The following INPP4B variants were observed in gnomAD, a reference collection of about 807,000 sequenced individuals.
INPP4B encodes the protein inositol polyphosphate 4-phosphatase type II.
Under a neutral mutation model 122.5 loss-of-function variants are expected in INPP4B, and 55 were observed. The ratio of observed to expected loss-of-function variants is 0.45; its 90% CI spans 0.36 to 0.56. INPP4B has a LOEUF of 0.56. INPP4B is among the 20% of genes least tolerant of loss of function. INPP4B has a pLI of 0.00. For synonymous variants in INPP4B, 403 were observed against 388.7 expected (o/e 1.04, Z -0.43); for missense variants, 1,000 against 1,097.7 (o/e 0.91, Z 1.26).
At chr4:142,752,888 TAGAG>T (rs1306497212) in intron 1 of INPP4B, among the ~76,000 whole-genome samples, 1 of 152,124 alleles carries the variant, frequency 6.6e-6, no homozygotes, top group East Asian at 1.9e-4. Flanking sequence ...CATGTATTAA[TAGAG>T]AGTTACTAGA....
chr4:142,447,177 T>C (rs1721809968), intron 3 of INPP4B, among the ~76,000 whole-genome samples: 1 of 152,150 alleles, frequency 6.6e-6, no homozygotes, highest in African/African-American at 2.4e-5. Flanking sequence ...CAAGCATGTG[T>C]CAAGGAAGTT....
chr4:142,733,872 AAATT>A (rs1199475782), intron 1 of INPP4B, among the ~76,000 whole-genome samples: 1 of 152,240 alleles, frequency 6.6e-6, no homozygotes, highest in Non-Finnish European at 1.5e-5. Context: ...GCTGATTAAT[AAATT>A]AAGATATATT....
intron 2 of INPP4B, among the ~76,000 whole-genome samples, chr4:142,664,293 G>C (rs1755667111): frequency 6.6e-6 from 1 of 152,032 alleles, no homozygotes; most frequent in African/African-American, 2.4e-5. Flanking sequence ...CTGGCTCACT[G>C]GCCCCTGGTT....
intron 18 of INPP4B, among the ~76,000 whole-genome samples, chr4:142,132,211 A>C (rs1032590398): frequency 6.6e-6 from 1 of 152,206 alleles, no homozygotes; most frequent in South Asian, 2.1e-4. Context: ...GAAACAACTC[A>C]ACATTTTGTT....
intron 23 of INPP4B, among the ~76,000 whole-genome samples, chr4:142,093,894 G>GAA (rs3841998): frequency 2.6e-5 from 4 of 151,752 alleles, no homozygotes; most frequent in Admixed American, 6.6e-5. Flanking sequence ...ATAGCAAAAG[G>GAA]AAAAAAACAA....
intron 1 of INPP4B, among the ~76,000 whole-genome samples, chr4:142,805,219 T>A (rs373120408): frequency 2.0e-5 from 3 of 152,208 alleles, no homozygotes; most frequent in Admixed American, 6.5e-5. Flanking sequence ...ATAATTTCAC[T>A]GAAAAATATT....
intron 9 of INPP4B, among the ~76,000 whole-genome samples, chr4:142,284,787 C>T (rs572756265): frequency 2.5e-4 from 38 of 152,060 alleles, no homozygotes; most frequent in Non-Finnish European, 3.5e-4. Context: ...CCTGTAAGCA[C>T]GGAAGTCAAG....
At chr4:142,084,570 T>C (rs1049080636) in intron 24 of INPP4B, among the ~76,000 whole-genome samples, 1 of 152,186 alleles carries the variant, frequency 6.6e-6, no homozygotes, top group Non-Finnish European at 1.5e-5. Context: ...ATTTTAAAAG[T>C]ATCATAAATA....
rs1054574342 is a variant in INPP4B, at chr4:142,624,624, T to C, written c.-191+101215A>G. On this transcript the variant is annotated intron_variant, in intron 2 of 25. Coordinates refer to ENST00000262992, the MANE Select transcript of INPP4B (RefSeq NM_001101669.3). ...AAAAAGAGGGAATCCTCCTAACTCA[T>C]TTTATGAGGCCAGCATCATCCTGAT... 5.9e-5 allele frequency among the ~76,000 whole-genome samples: 9 copies of C among 152,234 alleles called. No homozygotes were observed. In the South Asian group the frequency reaches 6.2e-4, roughly 11 times the overall value.
intron 1 of INPP4B, among the ~76,000 whole-genome samples, chr4:142,820,101 T>C (rs922822197): frequency 1.3e-5 from 2 of 152,118 alleles, no homozygotes; most frequent in Admixed American, 6.6e-5. Flanking sequence ...GGTTAGGCTA[T>C]TGTCTCAAAA....
intron 2 of INPP4B, among the ~76,000 whole-genome samples, chr4:142,666,341 T>C (rs1034891258): frequency 6.6e-6 from 1 of 151,990 alleles, no homozygotes; most frequent in Non-Finnish European, 1.5e-5. Flanking sequence ...TTACAAGAAA[T>C]GCATATAAAA....
At chr4:142,476,714 G>A (rs1350088543) in intron 2 of INPP4B, among the ~76,000 whole-genome samples, 1 of 152,002 alleles carries the variant, frequency 6.6e-6, no homozygotes, top group Non-Finnish European at 1.5e-5. Flanking sequence ...ACAAATAAGG[G>A]CATTACAAAA....
intron 12 of INPP4B, among the ~76,000 whole-genome samples, chr4:142,225,556 A>G (rs1851182125): frequency 1.3e-5 from 2 of 149,134 alleles, no homozygotes; most frequent in South Asian, 2.1e-4. Flanking sequence ...ATAAATATGT[A>G]TATATATTAT....
intron 2 of INPP4B, among the ~76,000 whole-genome samples, chr4:142,483,209 T>C (rs966824475): frequency 9.9e-6 from 1 of 100,562 alleles, no homozygotes; most frequent in Non-Finnish European, 2.1e-5. Context: ...TTTTTTTTTT[T>C]GCATTCAATA....
chr4:142,392,500 T>C (rs899704562), intron 7 of INPP4B, among the ~76,000 whole-genome samples: 3 of 152,196 alleles, frequency 2.0e-5, no homozygotes, highest in African/African-American at 4.8e-5. Context: ...GTACATATGT[T>C]GCCTCATAAT....
intron 2 of INPP4B, among the ~76,000 whole-genome samples, chr4:142,719,623 C>T (rs1322794124): frequency 6.6e-6 from 1 of 151,566 alleles, no homozygotes; most frequent in Non-Finnish European, 1.5e-5. Flanking sequence ...TGAACCCAGC[C>T]TATAATTTTC....
intron 7 of INPP4B, among the ~76,000 whole-genome samples, chr4:142,339,563 G>C (rs1014690567): frequency 1.3e-5 from 2 of 152,150 alleles, no homozygotes; most frequent in Non-Finnish European, 2.9e-5. Context: ...ATCATTGTCT[G>C]CCAGCTGAAT....
intron 2 of INPP4B, among the ~76,000 whole-genome samples, chr4:142,647,922 A>G (rs1752141581): frequency 6.6e-6 from 1 of 152,214 alleles, no homozygotes; most frequent in African/African-American, 2.4e-5. Flanking sequence ...GTAAGTGACT[A>G]TCAGTTGATT....
chr4:142,163,534 A>C (rs1194045566), intron 16 of INPP4B, among the ~76,000 whole-genome samples: 1 of 151,910 alleles, frequency 6.6e-6, no homozygotes, highest in African/African-American at 2.4e-5. Context: ...AGTACAGTAC[A>C]AGAAGATATT....
Sources: gnomAD v4.1 joint callset for allele counts (sites outside exome capture counted in the v4.1 genomes callset) on GRCh38, gnomAD v4.1.1 for gene constraint, MANE v1.5 for transcripts, NCBI Gene and HGNC (gene_info 2026-07-23, HGNC 2026-07-21) for gene names.